TNR: variants seen among roughly 807,000 people sequenced by gnomAD.
TNR encodes tenascin-R.
Under a neutral mutation model 150.4 loss-of-function variants are expected in TNR, and 45 were observed. That is an observed-to-expected ratio of 0.30 (90% CI 0.24 to 0.38). The LOEUF is 0.38. Among genes scored for constraint, TNR ranks in the 10% least tolerant of loss-of-function variants. The probability of loss-of-function intolerance (pLI) is 1.00; values close to 1 mark genes in which losing one functional copy is unlikely to be tolerated. For missense variants in TNR, 1,544 were observed against 1,759.1 expected, an observed-to-expected ratio of 0.88 and a Z score of 2.19; for synonymous variants, 687 against 678.4, an observed-to-expected ratio of 1.01 and a Z score of -0.20.
rs764659021 is a variant in TNR, at chr1:175,363,731, C to T, written c.2684G>A (p.Arg895Gln). 67 of 1,613,768 alleles carry T rather than the reference C, an allele frequency of 4.2e-5. No individual in the cohort carries two copies. The highest frequency in any genetic ancestry group is 6.7e-5 in the East Asian group (3 of 44,846). ...ACCTTGGGTGGGTCGATATGATACTCGGTAGTAATCGAAAGATGCAACAGG... is the reference window on the plus strand; with the variant it reads ...ACCTTGGGTGGGTCGATATGATACTTGGTAGTAATCGAAAGATGCAACAGG... ...SPPVASFDYY[R>Q]VSYRPTQVGR... is the part of the protein sequence containing the mutation. The change falls in exon 13 of 23, where the codon CGA becomes CAA. Residue 895 changes from arginine (R) to glutamine (Q), a missense_variant. This residue lies in a region of TNR where 1,254 missense variants were observed against 1,329.4 expected (regional missense o/e 0.94). Transcript: ENST00000367674.
At chr1:175,389,320 T>C (rs1210670521) in intron 7 of TNR, among the ~76,000 whole-genome samples, 1 of 152,204 alleles carries the variant, frequency 6.6e-6, no homozygotes, top group Non-Finnish European at 1.5e-5. Flanking sequence ...GGGCAGGTAA[T>C]AGAAACTAGA....
chr1:175,394,974 G>A (rs1351304719), intron 5 of TNR, among the ~76,000 whole-genome samples: 2 of 152,186 alleles, frequency 1.3e-5, no homozygotes, highest in Non-Finnish European at 2.9e-5. Context: ...CCGGAGCAAG[G>A]TGGGAAAAGC....
rs1381365670 is a variant in TNR at position 175,386,499 on chromosome 1, C to A, written c.1508-198G>T. ...AGGACATGTAGTTTGCCTTGATTCC[C>A]CTGAATTTTGGTCTAACTGCTCTTT... On this transcript the variant is annotated intron_variant, in intron 7 of 22. Coordinates refer to ENST00000367674, the MANE Select transcript of TNR (RefSeq NM_003285.3). Among the ~76,000 whole-genome samples, 4 of 152,234 alleles carry A rather than the reference C, an allele frequency of 2.6e-5. No individual in the cohort carries two copies. In the East Asian group the frequency reaches 7.7e-4, roughly 29 times the overall value.
intron 16 of TNR, among the ~76,000 whole-genome samples, chr1:175,355,899 C>T (rs1038964351): frequency 6.6e-6 from 1 of 152,184 alleles, no homozygotes; most frequent in African/African-American, 2.4e-5. Context: ...ACCTTCTATG[C>T]CTGAGATCTG....
At chr1:175,585,882 TGGC>T (rs1465747871) in intron 1 of TNR, among the ~76,000 whole-genome samples, 1 of 152,188 alleles carries the variant, frequency 6.6e-6, no homozygotes, top group Non-Finnish European at 1.5e-5. Flanking sequence ...TGTGATGTCT[TGGC>T]ACACATAAAG....
chr1:175,650,158 A>C (rs1664917097), intron 1 of TNR, among the ~76,000 whole-genome samples: 1 of 152,066 alleles, frequency 6.6e-6, no homozygotes, highest in Non-Finnish European at 1.5e-5. Flanking sequence ...GATCACTTGA[A>C]GTCCTGGGAG....
intron 1 of TNR, among the ~76,000 whole-genome samples, chr1:175,553,845 C>CACACAA (rs1282632549): frequency 6.0e-4 from 91 of 151,636 alleles, no homozygotes; most frequent in African/African-American, 1.5e-3. Context: ...CACACACACA[C>CACACAA]ACAAACAATA....
At chr1:175,598,853 T>C (rs1558030680) in intron 1 of TNR, among the ~76,000 whole-genome samples, 1 of 152,238 alleles carries the variant, frequency 6.6e-6, no homozygotes, top group Non-Finnish European at 1.5e-5. Context: ...TCTGCCACTC[T>C]AGAATCTCAA....
At chr1:175,686,553 C>T (rs577202513) in intron 1 of TNR, among the ~76,000 whole-genome samples, 1 of 152,202 alleles carries the variant, frequency 6.6e-6, no homozygotes, top group African/African-American at 2.4e-5. Flanking sequence ...TTTTGTAATG[C>T]TTGGTACATT....
At chr1:175,547,577 GAA>G (rs1388929646) in intron 1 of TNR, among the ~76,000 whole-genome samples, 2 of 104,692 alleles carry the variant, frequency 1.9e-5, no homozygotes, top group African/African-American at 7.7e-5. Flanking sequence ...AAGAAAGAAA[GAA>G]AGAAAGAAAG....
At chr1:175,405,674 G>T (rs1212677743) in intron 3 of TNR, among the ~76,000 whole-genome samples, 1 of 151,858 alleles carries the variant, frequency 6.6e-6, no homozygotes, top group East Asian at 1.9e-4. Flanking sequence ...TGCTTTTTGA[G>T]GGGGCAGGGG....
chr1:175,734,585 G>C (rs971050952), intron 1 of TNR, among the ~76,000 whole-genome samples: 3 of 152,234 alleles, frequency 2.0e-5, no homozygotes, highest in Non-Finnish European at 4.4e-5. Context: ...CCCATCTGGA[G>C]CTCTGAGGAG....
chr1:175,645,006 T>C (rs1298439486), intron 1 of TNR, among the ~76,000 whole-genome samples: 2 of 152,218 alleles, frequency 1.3e-5, no homozygotes, highest in African/African-American at 2.4e-5. Context: ...CATTAGTCAA[T>C]GATGAAATGA....
At chr1:175,574,556 C>G (rs1012109344) in intron 1 of TNR, among the ~76,000 whole-genome samples, 1 of 152,144 alleles carries the variant, frequency 6.6e-6, no homozygotes, top group Non-Finnish European at 1.5e-5. Context: ...CTATCTTCTA[C>G]CTTCTTCCCA....
Position 175,375,406 on chromosome 1 carries a change from T to C in TNR, c.1963+4146A>G, listed in dbSNP as rs111286115. ...CAGAGAGAAAAAGTCATTGCAGACA[T>C]TGAGTCTGTTGTTCAGAAACAAATT... On this transcript the variant is annotated intron_variant, in intron 9 of 22. Coordinates refer to ENST00000367674, the MANE Select transcript of TNR (RefSeq NM_003285.3). Among the ~76,000 whole-genome samples, 420 of 152,226 alleles carry C rather than the reference T, an allele frequency of 2.8e-3. 4 individuals carry two copies. Among genetic ancestry groups the C allele is most frequent in the African/African-American group, 9.6e-3 (397 of 41,528 alleles).
intron 1 of TNR, among the ~76,000 whole-genome samples, chr1:175,689,505 T>A (rs935398741): frequency 6.6e-6 from 1 of 152,156 alleles, no homozygotes; most frequent in Non-Finnish European, 1.5e-5. Flanking sequence ...ACGCAGGCTA[T>A]GGCTGGCCAG....
At chr1:175,366,168 C>A in intron 10 of TNR, 30 bp from the exon 11 acceptor site, 2 of 1,558,612 alleles carry the variant, frequency 1.3e-6, no homozygotes, top group Non-Finnish European at 1.7e-6. Context: ...GCCTATTTTA[C>A]ATGTGTTCCC....
chr1:175,456,486 C>T (rs1326699666), intron 2 of TNR, among the ~76,000 whole-genome samples: 2 of 152,226 alleles, frequency 1.3e-5, no homozygotes, highest in Non-Finnish European at 2.9e-5. Context: ...CCCTGAATGT[C>T]TACAACAATG....
chr1:175,615,007 G>C (rs993401641), intron 1 of TNR, among the ~76,000 whole-genome samples: 5 of 152,230 alleles, frequency 3.3e-5, no homozygotes, highest in African/African-American at 1.2e-4. Flanking sequence ...TGGACTCATG[G>C]GGATCCCCCC....
Sources: allele counts gnomAD v4.1 joint callset (sites outside exome capture counted in the v4.1 genomes callset), GRCh38; gene constraint gnomAD v4.1.1; regional missense constraint gnomAD v4.1.1; transcripts MANE v1.5; gene names NCBI Gene and HGNC (gene_info 2026-07-23, HGNC 2026-07-21).